The following TTC7B variants were observed in gnomAD, a reference collection of about 807,000 sequenced individuals.
TTC7B encodes the protein tetratricopeptide repeat protein 7B.
Under a neutral mutation model 106.8 loss-of-function variants are expected in TTC7B, and 28 were observed. The observed-to-expected ratio is 0.26, with a 90% CI of 0.19 to 0.36. The LOEUF (loss-of-function observed/expected upper bound fraction) is 0.36, where lower values mean the gene tolerates loss of function less well. Ranked by LOEUF, TTC7B falls within the 10% of genes least tolerant of loss-of-function variation. TTC7B has a pLI of 1.00. For synonymous variants in TTC7B, 405 were observed against 430.6 expected, an observed-to-expected ratio of 0.94 and a Z score of 0.74; for missense variants, 862 against 1,076.4, an observed-to-expected ratio of 0.80 and a Z score of 2.79.
At chr14:90,795,804 A>G (rs1023564989) in intron 1 of TTC7B, among the ~76,000 whole-genome samples, 1 of 152,224 alleles carries the variant, frequency 6.6e-6, no homozygotes, top group African/African-American at 2.4e-5. Flanking sequence ...CGTGTTCAAC[A>G]GGCCTGCAAT....
At chr14:90,758,975 T>C (rs940202011) in intron 3 of TTC7B, among the ~76,000 whole-genome samples, 1 of 152,266 alleles carries the variant, frequency 6.6e-6, no homozygotes, top group African/African-American at 2.4e-5. Flanking sequence ...TAATGTATTA[T>C]ATTTTTACAA....
intron 6 of TTC7B, among the ~76,000 whole-genome samples, chr14:90,691,407 C>T (rs1403433272): frequency 6.6e-6 from 1 of 152,104 alleles, no homozygotes; most frequent in African/African-American, 2.4e-5. Flanking sequence ...AGTTCTCTAC[C>T]TATTAAGAAG....
intron 15 of TTC7B, among the ~76,000 whole-genome samples, chr14:90,630,801 G>T (rs1384153961): frequency 1.3e-5 from 2 of 151,168 alleles, no homozygotes; most frequent in Non-Finnish European, 2.9e-5. Flanking sequence ...CATCTATGTT[G>T]GTACATCCAT....
rs1251745439 is a variant in TTC7B at position 90,780,816 on chromosome 14, C to G, written c.367G>C (p.Val123Leu). Residue 123 changes from valine to leucine, a missense_variant, in exon 3 of 20, where the codon GTG (valine) becomes CTG (leucine). Transcript: ENST00000328459. ...YKEALNIYAR[V>L]GLDDLPLTAV... Reference sequence around the variant, plus strand: ...GTCAGTGGCAGATCGTCCAGGCCCACCCGGGCGTAAATGTTCAGAGCTTCT... The same window carrying G: ...GTCAGTGGCAGATCGTCCAGGCCCAGCCGGGCGTAAATGTTCAGAGCTTCT... The G allele has an allele frequency of 1.2e-6, 2 of 1,614,158 alleles. No individual in the cohort carries two copies. The highest frequency in any genetic ancestry group is 1.7e-6 in the Non-Finnish European group (2 of 1,180,054).
chr14:90,771,916 TTATA>T (rs1329892518), intron 3 of TTC7B, among the ~76,000 whole-genome samples: 2 of 146,392 alleles, frequency 1.4e-5, no homozygotes, highest in Non-Finnish European at 3.0e-5. Flanking sequence ...TTTCTTTATT[TTATA>T]TATAAATATA....
At chr14:90,587,077 C>A (rs1325183574) in intron 18 of TTC7B, among the ~76,000 whole-genome samples, 1 of 152,200 alleles carries the variant, frequency 6.6e-6, no homozygotes, top group Non-Finnish European at 1.5e-5. Flanking sequence ...TGGACCAATG[C>A]TCCCAATTTC....
intron 19 of TTC7B, among the ~76,000 whole-genome samples, chr14:90,549,532 C>G (rs1889985414): frequency 6.6e-6 from 1 of 152,170 alleles, no homozygotes; most frequent in South Asian, 2.1e-4. Context: ...ACACTGGGGG[C>G]TCAGGGTGTA....
rs767323588 is a variant in TTC7B at position 90,802,863 on chromosome 14, G to A, written c.121+13312C>T. 1.4e-4 allele frequency among the ~76,000 whole-genome samples: 21 copies of A among 151,968 alleles called. No individual in the cohort carries two copies. Among genetic ancestry groups the A allele is most frequent in the Non-Finnish European group, 2.5e-4 (17 of 67,978 alleles). The stretch of plus-strand genomic sequence containing the variant: ...TCTCCTAGAAAACATGGATAAGGCC[G>A]GGCACGGTGGCTCACGCCTGTAATC... On this transcript the variant is annotated intron_variant, in intron 1 of 19. Coordinates refer to ENST00000328459, the MANE Select transcript of TTC7B (RefSeq NM_001010854.2). The surrounding 1 kb of genome is among the most constrained non-coding windows in gnomAD (Gnocchi z 4.7).
intron 4 of TTC7B, among the ~76,000 whole-genome samples, chr14:90,737,212 A>T (rs941433697): frequency 1.3e-5 from 2 of 152,232 alleles, no homozygotes; most frequent in African/African-American, 4.8e-5. Context: ...AAGGATAAGC[A>T]GACAAAAAAG....
At position 90,808,661 on chromosome 14, in the gene TTC7B, G is replaced by A. The variant is rs750898786; in HGVS notation, c.121+7514C>T. Among the ~76,000 whole-genome samples the A allele has an allele frequency of 1.7e-4, 26 of 152,128 alleles. No homozygotes were observed. Among genetic ancestry groups the A allele is most frequent in the Admixed American group, 1.0e-3 (16 of 15,282 alleles). On this transcript the variant is annotated intron_variant, in intron 1 of 19. Transcript: ENST00000328459. The surrounding 1 kb of genome is among the most constrained non-coding windows in gnomAD (Gnocchi z 4.2). ...TGACCTATCTCTGGGTCAGACATCC[G>A]CTCATCCTTGTCTTGGTGGCTGATG...
At chr14:90,780,712 A>G in intron 3 of TTC7B, 26 bp downstream of exon 3, 1 of 1,604,916 alleles carries the variant, frequency 6.2e-7, no homozygotes, top group Non-Finnish European at 8.5e-7. Context: ...GTCACGGGAC[A>G]CTGTGTTAGA....
chr14:90,629,243 T>TC (rs869305327), intron 15 of TTC7B, among the ~76,000 whole-genome samples: 1 of 2,564 alleles, frequency 3.9e-4, no homozygotes, highest in Non-Finnish European at 1.1e-3. Flanking sequence ...CTCAGGTTCC[T>TC]TTTTTTTTCT....
In TTC7B at chr14:90,657,043, C is replaced by T; in HGVS notation, c.1341+131G>A. ...AGGGGCCCAGGCCCAGGGTCCGTGGCTCTACACAGTCTTGTCTTTGTACAG... is the reference window on the plus strand; with the variant it reads ...AGGGGCCCAGGCCCAGGGTCCGTGGTTCTACACAGTCTTGTCTTTGTACAG... On this transcript the variant is annotated intron_variant, in intron 11 of 19. Transcript: ENST00000328459. This position sits in a 1 kb window ranked among gnomAD's most constrained non-coding sequence, Gnocchi z 4.2. The T allele has an allele frequency of 1.3e-6, 1 of 781,324 alleles. No individual in the cohort carries two copies. Among genetic ancestry groups the T allele is most frequent in the South Asian group, 1.8e-5 (1 of 56,232 alleles). The allele number at this position is 781,324 out of a possible 1,614,324, so 48.4% of individuals were successfully genotyped here.
rs562247788 is a variant in TTC7B, at chr14:90,693,935, C to T, written c.777+1565G>A. Among the ~76,000 whole-genome samples the T allele has an allele frequency of 2.6e-5, 4 of 152,204 alleles. No homozygotes were observed. The South Asian group carries it at 8.3e-4, about 32-fold the overall frequency. ...TTCGTAGCAGCATTACTTGTACTTG[C>T]CCAAAAGTAGAAACAACCCAATGTC... On this transcript the variant is annotated intron_variant, in intron 6 of 19. Transcript: ENST00000328459.
chr14:90,712,765 A>C (rs912485058), intron 5 of TTC7B, among the ~76,000 whole-genome samples: 2 of 152,066 alleles, frequency 1.3e-5, no homozygotes, highest in Non-Finnish European at 2.9e-5. Context: ...AGAAATTGGC[A>C]AGCTGATTCT....
At chr14:90,560,747 A>G (rs973923036) in intron 19 of TTC7B, among the ~76,000 whole-genome samples, 7 of 152,168 alleles carry the variant, frequency 4.6e-5, no homozygotes, top group Non-Finnish European at 8.8e-5. Context: ...GGCTGTGTCC[A>G]TGTCATACTT....
At chr14:90,642,419 G>A (rs1885220671) in intron 15 of TTC7B, among the ~76,000 whole-genome samples, 1 of 152,196 alleles carries the variant, frequency 6.6e-6, no homozygotes, top group Admixed American at 6.5e-5. Flanking sequence ...AGCCAGAGCT[G>A]ACCCACTTAA....
intron 4 of TTC7B, among the ~76,000 whole-genome samples, chr14:90,741,980 G>A (rs551287272): frequency 3.9e-5 from 6 of 152,314 alleles, no homozygotes; most frequent in South Asian, 4.1e-4. Flanking sequence ...TTTGAAAATC[G>A]TGTACCTACG....
chr14:90,620,594 G>A (rs1893270786), intron 15 of TTC7B, among the ~76,000 whole-genome samples: 1 of 152,312 alleles, frequency 6.6e-6, no homozygotes, highest in Non-Finnish European at 1.5e-5. Context: ...GGTCCAGGAA[G>A]CCGTGCACGT....
Sources: allele counts gnomAD v4.1 joint callset (sites outside exome capture counted in the v4.1 genomes callset), GRCh38; gene constraint gnomAD v4.1.1; non-coding constraint Gnocchi (gnomAD v3.1); transcripts MANE v1.5; gene names NCBI Gene and HGNC (gene_info 2026-07-23, HGNC 2026-07-21).